Variants in BMAL2 observed in about 807,000 individuals in gnomAD.
BMAL2 encodes basic helix-loop-helix ARNT like 2, also known as basic helix-loop-helix ARNT-like protein 2.
the BMAL2 span, among the ~76,000 whole-genome samples, chr12:27,360,803 C>CAAAAAAAAAAAAGAA: frequency 2.1e-5 from 1 of 46,788 alleles, no homozygotes; most frequent in Non-Finnish European, 3.8e-5. Context: ...GTGATTTGTC[C>CAAAAAAAAAAAAGAA]AAAAAAAAAA....
chr12:27,412,168 G>C, the BMAL2 span, among the ~76,000 whole-genome samples: 3 of 152,290 alleles, frequency 2.0e-5, no homozygotes, highest in Middle Eastern at 3.4e-3. Context: ...CATATATACT[G>C]CAAGGGCATT....
chr12:27,405,982 A>C, the BMAL2 span, among the ~76,000 whole-genome samples: 1 of 152,226 alleles, frequency 6.6e-6, no homozygotes, highest in Non-Finnish European at 1.5e-5. Context: ...CAACTGGAAG[A>C]AAGGGTATCA....
At chr12:27,420,019 G>GCACACGCA in the BMAL2 span, among the ~76,000 whole-genome samples, 2 of 147,478 alleles carry the variant, frequency 1.4e-5, no homozygotes, top group African/African-American at 5.0e-5. Context: ...GTTTGCGCGT[G>GCACACGCA]CACACACACA....
chr12:27,365,501 G>A, the BMAL2 span, among the ~76,000 whole-genome samples: 1 of 151,946 alleles, frequency 6.6e-6, no homozygotes, highest in Non-Finnish European at 1.5e-5. Flanking sequence ...AAGAAAAGTT[G>A]GGGGTCAGGG....
chr12:27,381,716 C>T, the BMAL2 span, among the ~76,000 whole-genome samples: 2 of 152,142 alleles, frequency 1.3e-5, no homozygotes, highest in Non-Finnish European at 2.9e-5. Context: ...TAGCCCCAGT[C>T]CAACTTGGGT....
At chr12:27,369,075 C>A in the BMAL2 span, among the ~76,000 whole-genome samples, 1 of 152,082 alleles carries the variant, frequency 6.6e-6, no homozygotes, top group Non-Finnish European at 1.5e-5. Flanking sequence ...TGTTTGAGAC[C>A]CGCAAGACCC....
chr12:27,403,421 G>A, the BMAL2 span: 2 of 1,478,212 alleles, frequency 1.4e-6, no homozygotes, highest in Admixed American at 1.7e-5. Context: ...TTCTCCTTTT[G>A]CTGTTACTTA....
At chr12:27,420,486 G>A in the BMAL2 span, 98 of 1,613,138 alleles carry the variant, frequency 6.1e-5, no homozygotes, top group Non-Finnish European at 8.1e-5. Context: ...GCAGAGGGGG[G>A]CCTGGGAGAC....
the BMAL2 span, among the ~76,000 whole-genome samples, chr12:27,417,131 T>C: frequency 2.6e-5 from 4 of 152,208 alleles, no homozygotes; most frequent in South Asian, 4.1e-4. Flanking sequence ...GTCTAAGTAG[T>C]GTACGTTATG....
the BMAL2 span, among the ~76,000 whole-genome samples, chr12:27,414,488 A>G: frequency 6.6e-6 from 1 of 152,194 alleles, no homozygotes; most frequent in Non-Finnish European, 1.5e-5. Context: ...ACTAGAAGTC[A>G]GTAACAAGAG....
the BMAL2 span, among the ~76,000 whole-genome samples, chr12:27,393,306 A>G: frequency 6.6e-6 from 1 of 152,148 alleles, no homozygotes; most frequent in African/African-American, 2.4e-5. Context: ...TTTAAATTAT[A>G]CCTTTAGACA....
the BMAL2 span, among the ~76,000 whole-genome samples, chr12:27,396,291 A>T: frequency 6.6e-6 from 1 of 152,222 alleles, no homozygotes; most frequent in South Asian, 2.1e-4. Flanking sequence ...TGCAGCTCAG[A>T]AAGAAGAGAA....
the BMAL2 span, chr12:27,376,433 A>G: frequency 2.5e-6 from 4 of 1,583,408 alleles, no homozygotes; most frequent in African/African-American, 2.7e-5. Flanking sequence ...GGAAAGGTAC[A>G]CAAAGGCAAG....
the BMAL2 span, among the ~76,000 whole-genome samples, chr12:27,356,412 G>A: frequency 6.6e-6 from 1 of 152,200 alleles, no homozygotes; most frequent in African/African-American, 2.4e-5. Flanking sequence ...GTTACATCCA[G>A]GGCCCTCCAT....
At chr12:27,391,717 C>G in the BMAL2 span, among the ~76,000 whole-genome samples, 1 of 152,170 alleles carries the variant, frequency 6.6e-6, no homozygotes, top group Admixed American at 6.5e-5. Context: ...TGGAGAGATT[C>G]AGTAACTTGC....
chr12:27,415,969 A>G, the BMAL2 span: 1 of 1,437,534 alleles, frequency 7.0e-7, no homozygotes, highest in South Asian at 1.3e-5. Flanking sequence ...TGTAAATGAT[A>G]ATATTCATGA....
At chr12:27,333,031 T>G in the BMAL2 span, 6 of 1,190,596 alleles carry the variant, frequency 5.0e-6, no homozygotes, top group Admixed American at 2.7e-4. Flanking sequence ...TCCTCCATGC[T>G]GCCAGCCGCG....
chr12:27,388,796 AAAGTC>A, the BMAL2 span, among the ~76,000 whole-genome samples: 1 of 152,220 alleles, frequency 6.6e-6, no homozygotes, highest in Non-Finnish European at 1.5e-5. Context: ...AATATCTGAT[AAAGTC>A]ACAGATATTC....
At chr12:27,419,102 A>T in the BMAL2 span, among the ~76,000 whole-genome samples, 6 of 152,190 alleles carry the variant, frequency 3.9e-5, no homozygotes, top group Non-Finnish European at 7.4e-5. Context: ...CTAGGAAAAA[A>T]GGTCCATTCT....
Sources: allele counts gnomAD v4.1 joint callset (sites outside exome capture counted in the v4.1 genomes callset), GRCh38; gene constraint gnomAD v4.1.1; transcripts MANE v1.5; gene names NCBI Gene and HGNC (gene_info 2026-07-23, HGNC 2026-07-21).